The following WNK1 variants were observed in gnomAD, a reference collection of about 807,000 sequenced individuals.
The protein encoded by WNK1 is WNK lysine deficient protein kinase 1, also known as serine/threonine-protein kinase WNK1.
In WNK1, 38 loss-of-function variants were observed where a neutral mutation model predicts 222.8. The observed-to-expected ratio is 0.17, with a 90% CI of 0.13 to 0.22. The LOEUF (loss-of-function observed/expected upper bound fraction) is 0.22. WNK1 is among the 10% of genes least tolerant of loss of function. WNK1 has a pLI of 1.00. For missense variants in WNK1, 2,348 were observed against 2,918.4 expected (o/e 0.80, Z 4.50); for synonymous variants, 1,090 against 1,092.9 (o/e 1.00, Z 0.05).
chr12:872,917 C>T (rs189316750), intron 9 of WNK1, among the ~76,000 whole-genome samples: 22 of 152,350 alleles, frequency 1.4e-4, no homozygotes, highest in Non-Finnish European at 2.6e-4. Context: ...TTTGTTTATA[C>T]ATGCATTCAC....
chr12:887,388 C>A lies in WNK1; in HGVS notation c.5364+84C>A. ...GAAGTTCTCCACTACGTGGTCTTGGCTTTTGCCTATTTGTCTTTGACTTAG... is the reference window on the plus strand; with the variant it reads ...GAAGTTCTCCACTACGTGGTCTTGGATTTTGCCTATTTGTCTTTGACTTAG... On this transcript the variant is annotated intron_variant, in intron 20 of 27. Coordinates refer to ENST00000315939, the MANE Select transcript of WNK1 (RefSeq NM_018979.4). 2.9e-6 allele frequency: 4 copies of A among 1,372,494 alleles called. No homozygotes were observed. In the South Asian group the frequency reaches 4.7e-5, roughly 16 times the overall value. 85.0% of individuals were successfully genotyped at this position (1,372,494 alleles called of 1,614,324 possible). A position where few individuals can be genotyped will look rare whatever the true frequency, so the allele number is the denominator to read the frequency against.
intron 4 of WNK1, among the ~76,000 whole-genome samples, chr12:836,697 A>G (rs1949209570): frequency 1.3e-5 from 2 of 152,240 alleles, no homozygotes; most frequent in South Asian, 4.1e-4. Context: ...TAGATATTAA[A>G]ACTTAAAAGT....
chr12:761,185 A>G (rs1479187580), intron 1 of WNK1, among the ~76,000 whole-genome samples: 1 of 147,952 alleles, frequency 6.8e-6, no homozygotes, highest in Non-Finnish European at 1.5e-5. Context: ...ATCATATAAT[A>G]TCTCCACCTT....
rs879736175 is a variant in WNK1, at chr12:827,522, TG to T, written c.1153+261del. The T allele has an allele frequency of 4.7e-3, 208 of 44,160 alleles. No individual in the cohort carries two copies. Among genetic ancestry groups the T allele is most frequent in the Non-Finnish European group, 6.7e-3 (172 of 25,680 alleles). The allele number at this position is 44,160 out of a possible 1,614,324, so 2.7% of individuals were successfully genotyped here. A position where few individuals can be genotyped will look rare whatever the true frequency, so the allele number is the denominator to read the frequency against. ...TAAAACCTAATGTAATAGCCTTTTT[TG>T]TTGTTGTTGTTGTTGTTGTTGTTGA... On this transcript the variant is annotated intron_variant, in intron 3 of 27. Transcript: ENST00000315939. The surrounding 1 kb of genome is among the most constrained non-coding windows in gnomAD (Gnocchi z 4.6).
At position 884,078 on chromosome 12, in the gene WNK1, A is replaced by G; in HGVS notation, c.3722-43A>G. 6.2e-7 allele frequency: 1 copy of G among 1,612,886 alleles called. No homozygotes were observed. Among genetic ancestry groups the G allele is most frequent in the Non-Finnish European group, 8.5e-7 (1 of 1,179,288 alleles). On this transcript the variant is annotated intron_variant, in intron 17 of 27. Transcript: ENST00000315939. The surrounding 1 kb of genome is among the most constrained non-coding windows in gnomAD (Gnocchi z 5.6). ...AATGAAGTCTAACAATATTTATAAT[A>G]ATAATGCTATTAAGTTACGTTTGTT...
At position 908,861 on chromosome 12, in the gene WNK1, G is replaced by GGGGGGGGGGGGGGGCA; in HGVS notation, c.*69_*70insGGGGGGGGGGGGGGCA. On this transcript the variant is annotated 3_prime_UTR_variant, in exon 28 of 28. Coordinates refer to ENST00000315939, the MANE Select transcript of WNK1 (RefSeq NM_018979.4). ...ATGCTGAGGGGGTGGGTGGGGGTGG[G>GGGGGGGGGGGGGGGCA]AAGTAGCCTATATACTAACTACTAG... 8 of 491,842 alleles carry GGGGGGGGGGGGGGGCA rather than the reference G, an allele frequency of 1.6e-5. No individual in the cohort carries two copies. The highest frequency in any genetic ancestry group is 6.0e-5 in the East Asian group (1 of 16,748). 30.5% of individuals were successfully genotyped at this position (491,842 alleles called of 1,614,324 possible).
intron 4 of WNK1, among the ~76,000 whole-genome samples, chr12:855,170 T>C (rs974902165): frequency 6.6e-6 from 1 of 152,376 alleles, no homozygotes; most frequent in Admixed American, 6.5e-5. Flanking sequence ...TTCAGCAGCA[T>C]TATTTTGTCT....
chr12:886,137 C>T (rs1475837014), intron 19 of WNK1, 53 bp downstream of exon 19: 2 of 1,437,440 alleles, frequency 1.4e-6, no homozygotes, highest in South Asian at 1.3e-5. Flanking sequence ...TTTTTTTCTC[C>T]CTAATGAGTA....
In WNK1 at chr12:859,162, A is replaced by G. The variant is rs1207980783; in HGVS notation, c.1401-83A>G. 7 of 1,211,570 alleles carry G rather than the reference A, an allele frequency of 5.8e-6. No individual in the cohort carries two copies. In the African/African-American group the frequency reaches 7.5e-5, roughly 13 times the overall value. 75.1% of individuals were successfully genotyped at this position (1,211,570 alleles called of 1,614,324 possible). On this transcript the variant is annotated intron_variant, in intron 5 of 27. Coordinates refer to ENST00000315939, the MANE Select transcript of WNK1 (RefSeq NM_018979.4). Reference sequence around the variant, plus strand: ...CCCATTTTTTTCTTCTGCGAATAACAATAATTGGCCACATTTGAAAATTAT... The same window carrying G: ...CCCATTTTTTTCTTCTGCGAATAACGATAATTGGCCACATTTGAAAATTAT...
At chr12:790,309 G>A (rs1480989435) in intron 1 of WNK1, among the ~76,000 whole-genome samples, 1 of 152,020 alleles carries the variant, frequency 6.6e-6, no homozygotes, top group East Asian at 1.9e-4. Context: ...TTGCTATGTT[G>A]ACCAAGCTGA....
chr12:895,349 C>T (rs1312490696), intron 23 of WNK1, among the ~76,000 whole-genome samples: 3 of 152,204 alleles, frequency 2.0e-5, no homozygotes, highest in African/African-American at 4.8e-5. Context: ...GCATACCAGG[C>T]ATTTAACATT....
At chr12:822,267 T>TA (rs1431496519) in intron 2 of WNK1, among the ~76,000 whole-genome samples, 1 of 152,054 alleles carries the variant, frequency 6.6e-6, no homozygotes, top group East Asian at 1.9e-4. Flanking sequence ...CTAATTTTTG[T>TA]ATTTTTAGTA....
At chr12:905,935 T>G (rs1955658734) in intron 26 of WNK1, among the ~76,000 whole-genome samples, 1 of 152,142 alleles carries the variant, frequency 6.6e-6, no homozygotes, top group South Asian at 2.1e-4. Flanking sequence ...CATGTGACCT[T>G]CCTCACTGCA....
chr12:896,391 T>C lies in WNK1; in HGVS notation c.5904T>C (p.Thr1968=). The change falls in exon 24 of 28, where the codon ACT becomes ACC. Residue 1968 remains threonine (T), a synonymous_variant. Transcript: ENST00000315939. ...FSVSKTEDKI[T]DTKKEGPVAS... ...TATCAAAAACTGAGGACAAGATCACTGACACAAAGAAAGAAGGACCAGTGG... is the reference window on the plus strand; with the variant it reads ...TATCAAAAACTGAGGACAAGATCACCGACACAAAGAAAGAAGGACCAGTGG... The C allele has an allele frequency of 1.2e-6, 2 of 1,614,080 alleles. No homozygotes were observed. The highest frequency in any genetic ancestry group is 8.5e-7 in the Non-Finnish European group (1 of 1,180,010).
intron 10 of WNK1, 124 bp from the exon 11 acceptor site, chr12:879,449 T>G (rs1489153440): frequency 1.4e-5 from 10 of 714,022 alleles, no homozygotes; most frequent in Non-Finnish European, 2.0e-5. Flanking sequence ...GTTTGGTGTT[T>G]TTTTTTTTGT....
intron 12 of WNK1, 40 bp downstream of exon 12, chr12:881,039 T>C (rs752181699): frequency 6.2e-7 from 1 of 1,611,118 alleles, no homozygotes; most frequent in Non-Finnish European, 8.5e-7. Context: ...AAAACGTATA[T>C]ATGTAATTGG....
intron 5 of WNK1, 76 bp from the exon 6 acceptor site, chr12:859,169 G>A: frequency 8.0e-7 from 1 of 1,245,378 alleles, no homozygotes; most frequent in Non-Finnish European, 1.2e-6. Flanking sequence ...AACAATAATT[G>A]GCCACATTTG....
intron 21 of WNK1, among the ~76,000 whole-genome samples, chr12:890,236 A>C (rs909757482): frequency 6.6e-6 from 1 of 151,858 alleles, no homozygotes; most frequent in Non-Finnish European, 1.5e-5. Context: ...TACAGGTGTG[A>C]GCCACCATGC....
chr12:782,629 C>G (rs180884505), intron 1 of WNK1, among the ~76,000 whole-genome samples: 2 of 152,026 alleles, frequency 1.3e-5, no homozygotes, highest in Non-Finnish European at 2.9e-5. Context: ...CTTGGCCTTC[C>G]GAGCAGCTAG....
Sources: gnomAD v4.1 joint callset for allele counts (sites outside exome capture counted in the v4.1 genomes callset) on GRCh38, gnomAD v4.1.1 for gene constraint, Gnocchi (gnomAD v3.1) non-coding constraint, MANE v1.5 for transcripts, NCBI Gene and HGNC (gene_info 2026-07-23, HGNC 2026-07-21) for gene names.